The following LHFPL2 variants were observed in gnomAD, a reference collection of about 807,000 sequenced individuals.
LHFPL2 encodes LHFPL tetraspan subfamily member 2.
In LHFPL2, 7 loss-of-function variants were observed where a neutral mutation model predicts 17.5. The observed-to-expected ratio is 0.40, with a 90% CI of 0.23 to 0.75. The LOEUF is 0.75. Among genes scored for constraint, LHFPL2 ranks in the 30% least tolerant of loss-of-function variants. The pLI, the probability that LHFPL2 is intolerant of heterozygous loss-of-function variation, is 0.37. For missense variants in LHFPL2, 241 were observed against 294.8 expected (o/e 0.82, Z 1.34); for synonymous variants, 134 against 116.2 (o/e 1.15, Z -0.99).
At chr5:78,523,571 C>T (rs556229943) in intron 3 of LHFPL2, among the ~76,000 whole-genome samples, 2 of 151,914 alleles carry the variant, frequency 1.3e-5, no homozygotes, top group African/African-American at 2.4e-5. Flanking sequence ...CTGCCAAGGG[C>T]GAAGAATGAG....
rs139484609 is a variant in LHFPL2, at chr5:78,642,506, A to T, written c.-350+5993T>A. On this transcript the variant is annotated intron_variant, in intron 1 of 4. Transcript: ENST00000380345. Reference sequence around the variant, plus strand: ...CAAGGGCTTGATGGACAATCAAGCCAGTCAGGCCTGGTAAAGGGATGAAAG... The same window carrying T: ...CAAGGGCTTGATGGACAATCAAGCCTGTCAGGCCTGGTAAAGGGATGAAAG... 2.9e-3 allele frequency among the ~76,000 whole-genome samples: 447 copies of T among 152,338 alleles called. 2 individuals carry two copies. The highest frequency in any genetic ancestry group is 0.01 in the African/African-American group (416 of 41,582).
Position 78,498,100 on chromosome 5 carries a change from G to A in LHFPL2, c.431-8947C>T, listed in dbSNP as rs527620517. On this transcript the variant is annotated intron_variant, in intron 4 of 4. Coordinates refer to ENST00000380345, the MANE Select transcript of LHFPL2 (RefSeq NM_005779.3). ...TACGTGGGGGAATGAGGTGAGCCACGACCACTTGTGAAAGAGGCAGGGTGG... is the reference window on the plus strand; with the variant it reads ...TACGTGGGGGAATGAGGTGAGCCACAACCACTTGTGAAAGAGGCAGGGTGG... Among the ~76,000 whole-genome samples, 50 of 152,264 alleles carry A rather than the reference G, an allele frequency of 3.3e-4. No homozygotes were observed. The South Asian group carries it at 6.8e-3, about 21-fold the overall frequency.
intron 2 of LHFPL2, among the ~76,000 whole-genome samples, chr5:78,602,075 T>C (rs995228910): frequency 6.6e-6 from 1 of 152,218 alleles, no homozygotes; most frequent in African/African-American, 2.4e-5. Flanking sequence ...TGGTACTACT[T>C]TGAAAAGAAG....
intron 3 of LHFPL2, among the ~76,000 whole-genome samples, chr5:78,537,279 C>A (rs543169909): frequency 6.6e-6 from 1 of 152,314 alleles, no homozygotes; most frequent in Non-Finnish European, 1.5e-5. Context: ...ACCCACCTGG[C>A]TGCACCCTGG....
chr5:78,622,642 T>A (rs1258725897), intron 2 of LHFPL2, among the ~76,000 whole-genome samples: 1 of 152,226 alleles, frequency 6.6e-6, no homozygotes, highest in African/African-American at 2.4e-5. Flanking sequence ...CTCCCAAGCA[T>A]TCTCTTCCTC....
chr5:78,575,452 G>A (rs1757106334), intron 2 of LHFPL2, among the ~76,000 whole-genome samples: 1 of 152,164 alleles, frequency 6.6e-6, no homozygotes. Context: ...GGGAGGCTGA[G>A]GCAGGAGAAT....
chr5:78,516,629 A>G (rs1487819960), intron 3 of LHFPL2, among the ~76,000 whole-genome samples: 1 of 152,206 alleles, frequency 6.6e-6, no homozygotes, highest in Non-Finnish European at 1.5e-5. Flanking sequence ...TCTATTTTTA[A>G]AAGGTCTATT....
In LHFPL2 at chr5:78,582,799, T is replaced by G. The variant is rs962730461; in HGVS notation, c.-244-17928A>C. 4.7e-5 allele frequency among the ~76,000 whole-genome samples: 7 copies of G among 150,290 alleles called. No individual in the cohort carries two copies. The South Asian group carries it at 8.5e-4, about 18-fold the overall frequency. The stretch of plus-strand genomic sequence containing the variant: ...TGTAGAGCTCTGTAGATGTCTATTA[T>G]GTCTGCTTGGTGCAGAGCTGAGTTC... On this transcript the variant is annotated intron_variant, in intron 2 of 4. Transcript: ENST00000380345.
At chr5:78,624,515 C>T (rs1744963922) in intron 2 of LHFPL2, among the ~76,000 whole-genome samples, 1 of 152,176 alleles carries the variant, frequency 6.6e-6, no homozygotes, top group African/African-American at 2.4e-5. Flanking sequence ...GGGAGGAGGG[C>T]CCAGAGTGGG....
chr5:78,516,892 T>C (rs1011958009), intron 3 of LHFPL2, among the ~76,000 whole-genome samples: 2 of 152,178 alleles, frequency 1.3e-5, no homozygotes, highest in African/African-American at 2.4e-5. Context: ...TAAATCTCTA[T>C]TCTGCGAATG....
chr5:78,535,196 A>AGGGGCT (rs1411007626), intron 3 of LHFPL2, among the ~76,000 whole-genome samples: 5 of 152,186 alleles, frequency 3.3e-5, no homozygotes, highest in Non-Finnish European at 7.3e-5. Context: ...GTGTCGCCAG[A>AGGGGCT]GCAGGCCATT....
At chr5:78,572,464 A>G (rs1236615939) in intron 2 of LHFPL2, among the ~76,000 whole-genome samples, 1 of 141,404 alleles carries the variant, frequency 7.1e-6, no homozygotes, top group Non-Finnish European at 1.5e-5. Flanking sequence ...GTATGTGTAT[A>G]TACATGTGTA....
At chr5:78,636,158 C>T (rs1487630149) in intron 1 of LHFPL2, among the ~76,000 whole-genome samples, 2 of 152,196 alleles carry the variant, frequency 1.3e-5, no homozygotes, top group Non-Finnish European at 2.9e-5. Context: ...CTCTGCCCTC[C>T]TTGAAGAGTG....
At chr5:78,613,901 T>C (rs1250654661) in intron 2 of LHFPL2, among the ~76,000 whole-genome samples, 1 of 152,182 alleles carries the variant, frequency 6.6e-6, no homozygotes, top group African/African-American at 2.4e-5. Flanking sequence ...GGACTGATTA[T>C]ATGAAGGATA....
chr5:78,487,805 T>A lies in LHFPL2; in HGVS notation c.*1092A>T, dbSNP rs1242019319. ...CTGCAGTTCTTCAGTTGCAGCAATT[T>A]AATGTTATCTCAGTCTGCTTTCAGG... On this transcript the variant is annotated 3_prime_UTR_variant, in exon 5 of 5. Coordinates refer to ENST00000380345, the MANE Select transcript of LHFPL2 (RefSeq NM_005779.3). 6.6e-6 allele frequency: 1 copy of A among 152,220 alleles called. No individual in the cohort carries two copies. The highest frequency in any genetic ancestry group is 1.5e-5 in the Non-Finnish European group (1 of 68,038). 9.4% of individuals were successfully genotyped at this position (152,220 alleles called of 1,614,324 possible). A position where few individuals can be genotyped will look rare whatever the true frequency, so the allele number is the denominator to read the frequency against.
intron 2 of LHFPL2, among the ~76,000 whole-genome samples, chr5:78,620,669 G>C (rs1484237026): frequency 6.6e-6 from 1 of 152,160 alleles, no homozygotes; most frequent in African/African-American, 2.4e-5. Context: ...AGAGGCCAGG[G>C]ACACCGCTAG....
chr5:78,537,894 T>C (rs1755997707), intron 3 of LHFPL2, among the ~76,000 whole-genome samples: 1 of 152,198 alleles, frequency 6.6e-6, no homozygotes, highest in African/African-American at 2.4e-5. Context: ...ATTCTGACTT[T>C]TAGGGGAAAC....
chr5:78,504,698 C>T (rs1754879453), intron 4 of LHFPL2, among the ~76,000 whole-genome samples: 1 of 152,232 alleles, frequency 6.6e-6, no homozygotes, highest in South Asian at 2.1e-4. Context: ...TTCATGTTGT[C>T]CTCTTTCACC....
intron 3 of LHFPL2, among the ~76,000 whole-genome samples, chr5:78,511,731 A>G (rs2112326444): frequency 6.6e-6 from 1 of 152,336 alleles, no homozygotes; most frequent in East Asian, 1.9e-4. Flanking sequence ...CTTCCTAGTG[A>G]GCATGTGACT....
Sources: gnomAD v4.1 joint callset for allele counts (sites outside exome capture counted in the v4.1 genomes callset) on GRCh38, gnomAD v4.1.1 for gene constraint, MANE v1.5 for transcripts, NCBI Gene and HGNC (gene_info 2026-07-23, HGNC 2026-07-21) for gene names.